Variants in FKBP3 observed in about 807,000 individuals in gnomAD.
FKBP3 encodes the protein peptidyl-prolyl cis-trans isomerase FKBP3.
In FKBP3, 21 loss-of-function variants were observed where a neutral mutation model predicts 30.6. The observed-to-expected ratio is 0.69, with a 90% confidence interval of 0.49 to 0.99. The LOEUF is 0.99. Among genes scored for constraint, FKBP3 ranks in the 50% least tolerant of loss-of-function variants. The pLI is 0.00. For synonymous variants in FKBP3, 82 were observed against 91.3 expected (o/e 0.90, Z 0.58); for missense variants, 283 against 261.6 (o/e 1.08, Z -0.56).
At chr14:45,129,126 G>A (rs1885161948) in intron 3 of FKBP3, among the ~76,000 whole-genome samples, 1 of 152,134 alleles carries the variant, frequency 6.6e-6, no homozygotes, top group South Asian at 2.1e-4. Context: ...GTCATCAATA[G>A]CCTCACCTCT....
At chr14:45,122,750 G>A (rs1463994787) in intron 3 of FKBP3, among the ~76,000 whole-genome samples, 5 of 151,868 alleles carry the variant, frequency 3.3e-5, no homozygotes, top group Admixed American at 2.0e-4. Context: ...TGATCCGCCC[G>A]CCTCGGCCTC....
chr14:45,124,459 G>A (rs1443316897), intron 3 of FKBP3, among the ~76,000 whole-genome samples: 1 of 152,036 alleles, frequency 6.6e-6, no homozygotes. Context: ...TTGAATCCAG[G>A]AGGCAGAGGT....
intron 3 of FKBP3, among the ~76,000 whole-genome samples, chr14:45,123,857 A>C (rs1283582823): frequency 6.6e-6 from 1 of 151,636 alleles, no homozygotes; most frequent in Non-Finnish European, 1.5e-5. Flanking sequence ...TGACCTCGTG[A>C]TCTGCCCGCC....
At chr14:45,123,338 A>G (rs998393344) in intron 3 of FKBP3, among the ~76,000 whole-genome samples, 5 of 152,136 alleles carry the variant, frequency 3.3e-5, no homozygotes, top group African/African-American at 1.2e-4. Flanking sequence ...CAAGTTTCAA[A>G]TAGCTCAAGG....
At chr14:45,131,953 C>T (rs1480371049) in intron 1 of FKBP3, among the ~76,000 whole-genome samples, 1 of 152,176 alleles carries the variant, frequency 6.6e-6, no homozygotes, top group Non-Finnish European at 1.5e-5. Context: ...AATAGCAAGT[C>T]GTAGTATAAC....
Position 45,129,891 on chromosome 14 carries a change from C to A in FKBP3, c.221G>T (p.Gly74Val). ...AGACACTTTACTTATACTTTCAGTA[C>A]CCTTAAAACGCTGTAAGGAAAATGT... ...NHLFETKRFK[G>V]TESISKVSEQ... Residue 74 changes from glycine to valine, a missense_variant, in exon 3 of 7, where the codon GGT (glycine) becomes GTT (valine). Gly to Val is a moderately radical substitution (Grantham distance 109). Transcript: ENST00000396062. 6.2e-7 allele frequency: 1 copy of A among 1,607,670 alleles called. No homozygotes were observed. Among genetic ancestry groups the A allele is most frequent in the Non-Finnish European group, 8.5e-7 (1 of 1,175,928 alleles).
chr14:45,122,762 C>T (rs1885012966), intron 3 of FKBP3, among the ~76,000 whole-genome samples: 2 of 152,060 alleles, frequency 1.3e-5, no homozygotes, highest in Admixed American at 1.3e-4. Context: ...CTCGGCCTCC[C>T]AAAGTGTTGG....
rs1566711605 is a variant in FKBP3, at chr14:45,134,445, G to GGCCGCCGCCATCTTCCCCCGCT, written c.-11_11dup (p.Val5AlafsTer21). ...CCACGGTCCACGCCCGCTGTGGAAC[G>GGCCGCCGCCATCTTCCCCCGCT]GCCGCCGCCATCTTCCCCCGCTGCC... On this transcript the variant is annotated frameshift_variant, in exon 1 of 7. Coordinates refer to ENST00000396062, the MANE Select transcript of FKBP3 (RefSeq NM_002013.4). LOFTEE classifies it high-confidence loss of function. 1 of 1,609,794 alleles carries GGCCGCCGCCATCTTCCCCCGCT rather than the reference G, an allele frequency of 6.2e-7. No homozygotes were observed. Among genetic ancestry groups the GGCCGCCGCCATCTTCCCCCGCT allele is most frequent in the Admixed American group, 1.7e-5 (1 of 59,454 alleles).
chr14:45,129,927 T>C lies in FKBP3; in HGVS notation c.211-26A>G, dbSNP rs1225672961. On this transcript the variant is annotated intron_variant, in intron 2 of 6. Coordinates refer to ENST00000396062, the MANE Select transcript of FKBP3 (RefSeq NM_002013.4). ...CTGTAAGGAAAATGTTGTAACATCA[T>C]ACCCAGGACAGGCTAAAACCAAGAA... 2.0e-6 allele frequency: 3 copies of C among 1,482,140 alleles called. No individual in the cohort carries two copies. In the East Asian group the frequency reaches 6.8e-5, roughly 34 times the overall value. 91.8% of individuals were successfully genotyped at this position (1,482,140 alleles called of 1,614,324 possible).
chr14:45,129,975 C>T (rs921545249), intron 2 of FKBP3, 74 bp from the exon 3 acceptor site: 3 of 830,560 alleles, frequency 3.6e-6, no homozygotes, highest in Non-Finnish European at 5.7e-6. Flanking sequence ...TTTTCAGCCT[C>T]TCAATTAAAT....
chr14:45,125,766 A>T (rs1001836765), intron 3 of FKBP3, among the ~76,000 whole-genome samples: 8 of 152,136 alleles, frequency 5.3e-5, no homozygotes, highest in Non-Finnish European at 8.8e-5. Flanking sequence ...TGAGCCCAGG[A>T]GCTGGGTCTT....
chr14:45,128,948 T>C (rs1005991029), intron 3 of FKBP3, among the ~76,000 whole-genome samples: 3 of 152,244 alleles, frequency 2.0e-5, no homozygotes, highest in Non-Finnish European at 4.4e-5. Context: ...AAATATTAAT[T>C]GTGATAAACT....
intron 3 of FKBP3, among the ~76,000 whole-genome samples, chr14:45,126,241 G>A (rs991863406): frequency 3.2e-4 from 48 of 150,830 alleles, no homozygotes; most frequent in African/African-American, 1.0e-3. Context: ...TGTAATCCCA[G>A]CACTTTGGGA....
chr14:45,116,543 T>C (rs1884842818), intron 6 of FKBP3, among the ~76,000 whole-genome samples: 1 of 151,886 alleles, frequency 6.6e-6, no homozygotes, highest in Admixed American at 6.6e-5. Context: ...GTACATAATA[T>C]TTACTGTGCA....
intron 3 of FKBP3, among the ~76,000 whole-genome samples, chr14:45,124,633 A>G (rs1403223754): frequency 5.9e-5 from 9 of 151,940 alleles, no homozygotes; most frequent in Non-Finnish European, 1.2e-4. Flanking sequence ...AAATACTGAG[A>G]TATTTTACAG....
At chr14:45,129,135 C>A (rs1403011285) in intron 3 of FKBP3, among the ~76,000 whole-genome samples, 1 of 152,218 alleles carries the variant, frequency 6.6e-6, no homozygotes, top group Non-Finnish European at 1.5e-5. Flanking sequence ...AGCCTCACCT[C>A]TTTACAAGAA....
chr14:45,129,933 G>A, intron 2 of FKBP3, 32 bp from the exon 3 acceptor site: 1 of 1,437,766 alleles, frequency 7.0e-7, no homozygotes, highest in Non-Finnish European at 9.6e-7. Flanking sequence ...ATCATACCCA[G>A]GACAGGCTAA....
chr14:45,117,300 A>G (rs1884869009), intron 6 of FKBP3, among the ~76,000 whole-genome samples: 1 of 152,130 alleles, frequency 6.6e-6, no homozygotes. Flanking sequence ...AAGCTAAGAG[A>G]GCTATTATAT....
chr14:45,132,965 TG>T (rs1440599785), intron 1 of FKBP3, among the ~76,000 whole-genome samples: 1 of 152,196 alleles, frequency 6.6e-6, no homozygotes, highest in African/African-American at 2.4e-5. Context: ...TCCATTAAAA[TG>T]GGGTAAGATC....
Sources: gnomAD v4.1 joint callset for allele counts (sites outside exome capture counted in the v4.1 genomes callset) on GRCh38, gnomAD v4.1.1 for gene constraint, MANE v1.5 for transcripts, NCBI Gene and HGNC (gene_info 2026-07-23, HGNC 2026-07-21) for gene names.